The following BRCA1 variants were observed in gnomAD, a reference collection of about 807,000 sequenced individuals.
The protein encoded by BRCA1 is BRCA1 DNA repair associated.
Under a neutral mutation model 173.7 loss-of-function variants are expected in BRCA1, and 140 were observed. The ratio of observed to expected loss-of-function variants is 0.81; its 90% CI spans 0.70 to 0.93. BRCA1 has a LOEUF of 0.93. BRCA1 is among the 40% of genes least tolerant of loss of function. The pLI, the probability that BRCA1 is intolerant of heterozygous loss-of-function variation, is 0.00. For synonymous variants in BRCA1, 662 were observed against 756.0 expected (o/e 0.88, Z 2.04); for missense variants, 1,983 against 2,172.5 (o/e 0.91, Z 1.73).
At position 43,044,475 on chromosome 17, in the gene BRCA1, C is replaced by T. The variant is rs1407862499; in HGVS notation, c.*1203G>A. 5 of 509,610 alleles carry T rather than the reference C, an allele frequency of 9.8e-6. No homozygotes were observed. Among genetic ancestry groups the T allele is most frequent in the Non-Finnish European group, 1.9e-5 (5 of 260,418 alleles). 31.6% of individuals were successfully genotyped at this position (509,610 alleles called of 1,614,324 possible). On this transcript the variant is annotated 3_prime_UTR_variant, in exon 23 of 23. Coordinates refer to ENST00000357654, the MANE Select transcript of BRCA1 (RefSeq NM_007294.4). The stretch of plus-strand genomic sequence containing the variant: ...TTATGAAAAACACTTTTTCTTCCTT[C>T]AGCAAGCAAAATTATTTATGAAGCT...
intron 13 of BRCA1, among the ~76,000 whole-genome samples, chr17:43,075,765 C>A (rs2052682538): frequency 6.6e-6 from 1 of 152,052 alleles, no homozygotes; most frequent in African/African-American, 2.4e-5. Context: ...ACTACATAGT[C>A]CAGTACTGGA....
chr17:43,095,438 C>T (rs551975491), intron 9 of BRCA1, among the ~76,000 whole-genome samples: 1 of 151,888 alleles, frequency 6.6e-6, no homozygotes, highest in Non-Finnish European at 1.5e-5. Context: ...AAAAATTAAC[C>T]GGGTGTGGTG....
rs2154289053 is a variant in BRCA1 at position 43,091,764 on chromosome 17, G to A, written c.3767C>T (p.Thr1256Ile). Residue 1256 changes from threonine to isoleucine, a missense_variant, in exon 10 of 23, where the codon ACA becomes ATA. By Grantham distance (89) the Thr-to-Ile change is moderately conservative. Coordinates refer to ENST00000357654, the MANE Select transcript of BRCA1 (RefSeq NM_007294.4). ...CTTCAATGATAATAAATTCTCCTCT[G>A]TGTTCTTAGACAGACACTCGGTAGC... Reference protein sequence around the residue: ...TVATECLSKNTEENLLSLKNS... With the variant: ...TVATECLSKNIEENLLSLKNS... 6.2e-7 allele frequency: 1 copy of A among 1,614,158 alleles called. No individual in the cohort carries two copies. The highest frequency in any genetic ancestry group is 8.5e-7 in the Non-Finnish European group (1 of 1,180,014).
intron 3 of BRCA1, among the ~76,000 whole-genome samples, chr17:43,114,139 C>T (rs2055160225): frequency 6.6e-6 from 1 of 151,942 alleles, no homozygotes; most frequent in South Asian, 2.1e-4. Flanking sequence ...GTGATCATAG[C>T]TCACTACAGC....
chr17:43,109,971 TG>T (rs2054964317), intron 3 of BRCA1, among the ~76,000 whole-genome samples: 1 of 151,926 alleles, frequency 6.6e-6, no homozygotes, highest in Admixed American at 6.6e-5. Context: ...CTCTGCTCAC[TG>T]CAAGCTCTGC....
At chr17:43,159,614 C>T (rs372426960) in intron 1 of BRCA1, 17 of 238,854 alleles carry the variant, frequency 7.1e-5, no homozygotes, top group African/African-American at 2.6e-4. Flanking sequence ...CGGGCAGAGG[C>T]GCTCCTCACA....
At chr17:43,099,592 T>C (rs1567805769) in intron 7 of BRCA1, among the ~76,000 whole-genome samples, 183 bp downstream of exon 7, 1 of 152,126 alleles carries the variant, frequency 6.6e-6, no homozygotes, top group Non-Finnish European at 1.5e-5. Flanking sequence ...CTTTTTAAAG[T>C]AAGATTCTTC....
At chr17:43,113,890 A>G (rs921284853) in intron 3 of BRCA1, among the ~76,000 whole-genome samples, 1 of 152,130 alleles carries the variant, frequency 6.6e-6, no homozygotes, top group South Asian at 2.1e-4. Context: ...CCTGGCCAAC[A>G]TGGTGAAAAC....
intron 1 of BRCA1, among the ~76,000 whole-genome samples, chr17:43,141,422 G>GA (rs910819814): frequency 6.6e-6 from 1 of 152,012 alleles, no homozygotes; most frequent in Non-Finnish European, 1.5e-5. Context: ...AGTGAGCTAT[G>GA]AATGCACCAC....
At chr17:43,086,148 A>AC (rs60834728) in intron 11 of BRCA1, among the ~76,000 whole-genome samples, 1 of 151,356 alleles carries the variant, frequency 6.6e-6, no homozygotes, top group African/African-American at 2.4e-5. Context: ...ACACACACAC[A>AC]GAAGTCCCCA....
chr17:43,050,103 C>T, intron 20 of BRCA1: 1 of 398,604 alleles, frequency 2.5e-6, no homozygotes, highest in Middle Eastern at 6.3e-4. Context: ...CTGCCTGTGA[C>T]CAGATGCTAA....
chr17:43,156,913 C>T (rs796180181), intron 1 of BRCA1, among the ~76,000 whole-genome samples: 47 of 152,244 alleles, frequency 3.1e-4, no homozygotes, highest in African/African-American at 9.1e-4. Flanking sequence ...CCTTCTAGGT[C>T]CTGATGAGAG....
intron 20 of BRCA1, chr17:43,049,973 A>C (rs532420229): frequency 2.7e-4 from 106 of 398,022 alleles, no homozygotes; most frequent in African/African-American, 2.1e-3. Flanking sequence ...ATACCAAAGT[A>C]AAAAAACACT....
Position 43,092,010 on chromosome 17 carries a change from G to C in BRCA1, c.3521C>G (p.Ser1174Cys), listed in dbSNP as rs1055368753. The change falls in exon 10 of 23, where the codon TCT becomes TGT. Residue 1174 changes from serine to cysteine, a missense_variant. Ser to Cys is a moderately radical substitution (Grantham distance 112). Coordinates refer to ENST00000357654, the MANE Select transcript of BRCA1 (RefSeq NM_007294.4). ...CTGGACGCTTTTGCTAAAAACAGCAGAACTTTCCTTAATGTCATTTTCAGC... is the reference window on the plus strand; with the variant it reads ...CTGGACGCTTTTGCTAAAAACAGCACAACTTTCCTTAATGTCATTTTCAGC... ...SFAENDIKES[S>C]AVFSKSVQKG... 1 of 1,614,070 alleles carries C rather than the reference G, an allele frequency of 6.2e-7. No individual in the cohort carries two copies.
rs2050971586 is a variant in BRCA1, at chr17:43,047,623, G to A, written c.5467+20C>T. On this transcript the variant is annotated intron_variant, in intron 22 of 22. Coordinates refer to ENST00000357654, the MANE Select transcript of BRCA1 (RefSeq NM_007294.4). ...ATGCAAAAGGACCCCATATAGCACAGGTACATGCAGGCACCTTACCATGGA... is the reference window on the plus strand; with the variant it reads ...ATGCAAAAGGACCCCATATAGCACAAGTACATGCAGGCACCTTACCATGGA... The A allele has an allele frequency of 1.2e-6, 2 of 1,614,090 alleles. No homozygotes were observed. Among genetic ancestry groups the A allele is most frequent in the East Asian group, 2.2e-5 (1 of 44,890 alleles).
chr17:43,065,416 C>G (rs911592455), intron 16 of BRCA1, among the ~76,000 whole-genome samples: 1 of 152,114 alleles, frequency 6.6e-6, no homozygotes, highest in African/African-American at 2.4e-5. Context: ...CACCTGTAAT[C>G]CCAGCACTTT....
At chr17:43,168,616 G>A (rs1384473938) in intron 1 of BRCA1, among the ~76,000 whole-genome samples, 2 of 152,172 alleles carry the variant, frequency 1.3e-5, no homozygotes, top group African/African-American at 4.8e-5. Flanking sequence ...TCCAGCCTGG[G>A]CAACAAGAGC....
rs587782134 is a variant in BRCA1, at chr17:43,092,874, G to C, written c.2657C>G (p.Ser886Cys). 1 of 1,613,830 alleles carries C rather than the reference G, an allele frequency of 6.2e-7. No homozygotes were observed. Among genetic ancestry groups the C allele is most frequent in the African/African-American group, 1.3e-5 (1 of 74,940 alleles). ...TTTCTTTAAGGACCCAGAGTGGGCA[G>C]AGAATGTTGCACATTCCTCTTCTGC... ...GNAEEECATF[S>C]AHSGSLKKQS... The change falls in exon 10 of 23, where the codon TCT (serine) becomes TGT (cysteine). Residue 886 changes from serine (S) to cysteine (C), a missense_variant. Transcript: ENST00000357654.
At chr17:43,072,736 G>C (rs1317719870) in intron 14 of BRCA1, among the ~76,000 whole-genome samples, 1 of 151,794 alleles carries the variant, frequency 6.6e-6, no homozygotes, top group Non-Finnish European at 1.5e-5. Context: ...GGCTAATTTT[G>C]TATTTTTAGT....
Sources: gnomAD v4.1 joint callset for allele counts (sites outside exome capture counted in the v4.1 genomes callset) on GRCh38, gnomAD v4.1.1 for gene constraint, MANE v1.5 for transcripts, NCBI Gene and HGNC (gene_info 2026-07-23, HGNC 2026-07-21) for gene names.